The following DOCK3 variants were observed in gnomAD, a reference collection of about 807,000 sequenced individuals.
DOCK3 encodes the protein dedicator of cytokinesis protein 3.
A neutral mutation model predicts 265.6 loss-of-function variants in DOCK3; 60 were observed. The observed-to-expected ratio is 0.23, with a 90% CI of 0.18 to 0.28. The LOEUF (loss-of-function observed/expected upper bound fraction) is 0.28, where lower values mean the gene tolerates loss of function less well. Ranked by LOEUF, DOCK3 falls within the 10% of genes least tolerant of loss-of-function variation. The pLI is 1.00. For synonymous variants in DOCK3, 881 were observed against 938.0 expected (o/e 0.94, Z 1.11); for missense variants, 1,981 against 2,594.3 (o/e 0.76, Z 5.14).
intron 5 of DOCK3, among the ~76,000 whole-genome samples, chr3:51,060,332 C>T (rs1170201274): frequency 6.6e-6 from 1 of 152,098 alleles, no homozygotes; most frequent in East Asian, 1.9e-4. Flanking sequence ...AATTTTCTCC[C>T]ATTCTGTAGG....
intron 5 of DOCK3, among the ~76,000 whole-genome samples, chr3:50,966,158 C>T (rs2077025495): frequency 1.3e-5 from 2 of 151,922 alleles, no homozygotes. Context: ...GCTAGATCTT[C>T]TTCGTTGTGA....
intron 5 of DOCK3, among the ~76,000 whole-genome samples, chr3:51,009,113 G>A (rs147735228): frequency 0.016 from 2,401 of 152,022 alleles, 27 homozygotes; most frequent in Non-Finnish European, 0.025. Context: ...CTTTGGTATC[G>A]GGATGATGCT....
chr3:51,129,374 C>T (rs1367891979), intron 9 of DOCK3, among the ~76,000 whole-genome samples: 1 of 152,208 alleles, frequency 6.6e-6, no homozygotes, highest in Non-Finnish European at 1.5e-5. Context: ...GATCCTGGGG[C>T]ACTCCCCATG....
chr3:50,860,028 A>G (rs2046830001), intron 3 of DOCK3, among the ~76,000 whole-genome samples: 1 of 152,166 alleles, frequency 6.6e-6, no homozygotes, highest in African/African-American at 2.4e-5. Context: ...GCCAAGGGTC[A>G]TTTGGTTGAC....
chr3:50,721,732 T>C (rs1384464166), intron 1 of DOCK3, among the ~76,000 whole-genome samples: 1 of 152,224 alleles, frequency 6.6e-6, no homozygotes, highest in African/African-American at 2.4e-5. Flanking sequence ...CTTTGAAAAA[T>C]GTCATTGGTA....
intron 27 of DOCK3, among the ~76,000 whole-genome samples, chr3:51,284,717 A>G (rs1433767481): frequency 6.6e-6 from 1 of 152,222 alleles, no homozygotes; most frequent in East Asian, 1.9e-4. Flanking sequence ...TCAGCACTTC[A>G]TGAGCCTTTC....
intron 49 of DOCK3, among the ~76,000 whole-genome samples, chr3:51,367,173 C>T (rs1017214306): frequency 1.3e-5 from 2 of 152,172 alleles, no homozygotes; most frequent in African/African-American, 2.4e-5. Flanking sequence ...CTGGGTGCTC[C>T]TGTATTGGAT....
intron 12 of DOCK3, among the ~76,000 whole-genome samples, chr3:51,178,148 CAA>C (rs752206322): frequency 4.7e-5 from 7 of 149,830 alleles, no homozygotes; most frequent in Non-Finnish European, 7.4e-5. Flanking sequence ...ACAATGAAAA[CAA>C]ATGTCACAAT....
At chr3:50,858,513 C>T (rs925303711) in intron 3 of DOCK3, among the ~76,000 whole-genome samples, 2 of 151,896 alleles carry the variant, frequency 1.3e-5, no homozygotes, top group East Asian at 1.9e-4. Context: ...TCAGCTGAGA[C>T]GTCTGCTGTT....
At chr3:51,175,349 G>C (rs2107668964) in intron 12 of DOCK3, among the ~76,000 whole-genome samples, 1 of 152,292 alleles carries the variant, frequency 6.6e-6, no homozygotes, top group East Asian at 1.9e-4. Context: ...GGGAATGCAA[G>C]ACCACTCAGA....
chr3:50,998,371 A>C (rs1162888112), intron 5 of DOCK3, among the ~76,000 whole-genome samples: 2 of 152,210 alleles, frequency 1.3e-5, no homozygotes, highest in Non-Finnish European at 2.9e-5. Flanking sequence ...GATGGGGCCC[A>C]GATTTGTTTA....
chr3:51,171,303 G>A (rs1473465324), intron 12 of DOCK3, among the ~76,000 whole-genome samples: 1 of 152,176 alleles, frequency 6.6e-6, no homozygotes, highest in Non-Finnish European at 1.5e-5. Flanking sequence ...GTTCAAGAGA[G>A]TGTTGTTTAA....
chr3:51,188,810 T>G (rs1394505978), intron 12 of DOCK3, among the ~76,000 whole-genome samples: 4 of 62,700 alleles, frequency 6.4e-5, no homozygotes, highest in African/African-American at 3.1e-4. Flanking sequence ...GGTGTGGGTG[T>G]GTGTATCACA....
intron 4 of DOCK3, among the ~76,000 whole-genome samples, chr3:50,920,267 T>C (rs919069653): frequency 6.6e-6 from 1 of 152,200 alleles, no homozygotes; most frequent in African/African-American, 2.4e-5. Flanking sequence ...CCTCATAAAA[T>C]GAATTAGAGA....
At chr3:50,711,844 T>A (rs2036792857) in intron 1 of DOCK3, among the ~76,000 whole-genome samples, 1 of 152,144 alleles carries the variant, frequency 6.6e-6, no homozygotes, top group African/African-American at 2.4e-5. Context: ...GTTTTAAAAG[T>A]ACTAATTTGA....
intron 12 of DOCK3, among the ~76,000 whole-genome samples, chr3:51,202,636 GA>G (rs1284383450): frequency 1.3e-5 from 2 of 152,028 alleles, no homozygotes; most frequent in Non-Finnish European, 2.9e-5. Context: ...CCAAACAATA[GA>G]AAAAGAGGGA....
At chr3:50,711,460 C>T (rs1433356101) in intron 1 of DOCK3, among the ~76,000 whole-genome samples, 1 of 152,028 alleles carries the variant, frequency 6.6e-6, no homozygotes, top group Non-Finnish European at 1.5e-5. Flanking sequence ...GACAGGGTTT[C>T]ACCATGTTAG....
chr3:51,346,739 G>C (rs2085611145), intron 38 of DOCK3, among the ~76,000 whole-genome samples: 1 of 152,198 alleles, frequency 6.6e-6, no homozygotes, highest in Admixed American at 6.5e-5. Context: ...CATTGAACTA[G>C]TTTACAGTCC....
chr3:50,904,702 A>T (rs1475012966), intron 4 of DOCK3, among the ~76,000 whole-genome samples: 1 of 152,018 alleles, frequency 6.6e-6, no homozygotes, highest in Non-Finnish European at 1.5e-5. Flanking sequence ...AGATTGCAAA[A>T]ATTTTTTCCC....
Sources: allele counts gnomAD v4.1 joint callset (sites outside exome capture counted in the v4.1 genomes callset), GRCh38; gene constraint gnomAD v4.1.1; transcripts MANE v1.5; gene names NCBI Gene and HGNC (gene_info 2026-07-23, HGNC 2026-07-21).